CADM2: variants seen among roughly 807,000 people sequenced by gnomAD.
The protein encoded by CADM2 is immunoglobulin superfamily member 4D.
Under a neutral mutation model 49.8 loss-of-function variants are expected in CADM2, and 12 were observed. The ratio of observed to expected loss-of-function variants is 0.24; its 90% CI spans 0.15 to 0.39. CADM2 has a LOEUF of 0.39. Among genes scored for constraint, CADM2 ranks in the 10% least tolerant of loss-of-function variants. The pLI is 1.00. For synonymous variants in CADM2, 214 were observed against 175.4 expected (o/e 1.22, Z -1.74); for missense variants, 378 against 492.3 (o/e 0.77, Z 2.20).
At chr3:85,957,143 A>G (rs1462696327) in intron 7 of CADM2, among the ~76,000 whole-genome samples, 2 of 151,836 alleles carry the variant, frequency 1.3e-5, no homozygotes, top group South Asian at 2.1e-4. Flanking sequence ...TTAACGATGT[A>G]CATAGCACAA....
chr3:85,117,670 G>A (rs888504802), intron 1 of CADM2, among the ~76,000 whole-genome samples: 4 of 152,114 alleles, frequency 2.6e-5, no homozygotes, highest in Admixed American at 6.6e-5. Flanking sequence ...TTTACAGGGT[G>A]TTATAGGGAT....
At chr3:85,536,528 G>T (rs1438492824) in intron 1 of CADM2, among the ~76,000 whole-genome samples, 1 of 151,608 alleles carries the variant, frequency 6.6e-6, no homozygotes, top group East Asian at 1.9e-4. Context: ...GTTAGGAATG[G>T]TTCTTATTTC....
intron 1 of CADM2, among the ~76,000 whole-genome samples, chr3:85,549,398 A>G (rs2061743214): frequency 6.6e-6 from 1 of 152,190 alleles, no homozygotes; most frequent in African/African-American, 2.4e-5. Context: ...TTAATTTTGA[A>G]CCGGTCTCAT....
rs187144376 is a variant in CADM2, at chr3:85,999,768, A to G, written c.970+38121A>G. On this transcript the variant is annotated intron_variant, in intron 8 of 9. Transcript: ENST00000383699. ...AAAAATCAGTTTTAATGAAGTGATT[A>G]GATAAAAGTCAGACTGCAGGACTTT... 7.1e-3 allele frequency among the ~76,000 whole-genome samples: 1,084 copies of G among 152,296 alleles called. 6 individuals are homozygous for G. The highest frequency in any genetic ancestry group is 0.017 in the Middle Eastern group (5 of 294).
chr3:85,733,729 T>C (rs1016201046), intron 2 of CADM2, among the ~76,000 whole-genome samples: 4 of 152,166 alleles, frequency 2.6e-5, no homozygotes, highest in African/African-American at 7.2e-5. Context: ...ATTGCTACTT[T>C]AAGTTTGTAT....
chr3:85,639,242 A>G (rs940743317), intron 1 of CADM2, among the ~76,000 whole-genome samples: 5 of 152,210 alleles, frequency 3.3e-5, no homozygotes, highest in Admixed American at 2.6e-4. Context: ...TTAAAATATC[A>G]TAGAAGATAA....
chr3:85,677,060 A>T (rs2065905770), intron 1 of CADM2, among the ~76,000 whole-genome samples: 1 of 152,150 alleles, frequency 6.6e-6, no homozygotes, highest in Non-Finnish European at 1.5e-5. Context: ...CACTTCTGCT[A>T]ATGTAGCCTA....
At chr3:85,719,999 T>C (rs2107763458) in intron 1 of CADM2, among the ~76,000 whole-genome samples, 1 of 152,236 alleles carries the variant, frequency 6.6e-6, no homozygotes, top group Middle Eastern at 3.4e-3. Context: ...CATGTAAATA[T>C]TAACAATAAT....
At chr3:85,503,619 CA>C (rs1317057430) in intron 1 of CADM2, among the ~76,000 whole-genome samples, 7 of 152,172 alleles carry the variant, frequency 4.6e-5, no homozygotes, top group Non-Finnish European at 1.0e-4. Flanking sequence ...GAACTGTCAA[CA>C]CCGTATTGTA....
chr3:85,809,790 C>CTCTT (rs1553690316), intron 3 of CADM2, among the ~76,000 whole-genome samples: 2,221 of 98,924 alleles, frequency 0.022, 349 homozygotes, highest in South Asian at 0.08. Flanking sequence ...CTCTCTCTCT[C>CTCTT]TCTTTCTTTC....
At chr3:85,823,926 G>A (rs944152983) in intron 3 of CADM2, among the ~76,000 whole-genome samples, 6 of 152,038 alleles carry the variant, frequency 3.9e-5, no homozygotes, top group African/African-American at 1.4e-4. Context: ...AAAAATTACA[G>A]CCCATCCGCG....
intron 1 of CADM2, among the ~76,000 whole-genome samples, chr3:85,473,183 T>C (rs2038839200): frequency 6.6e-6 from 1 of 152,076 alleles, no homozygotes; most frequent in African/African-American, 2.4e-5. Flanking sequence ...AATTCTACCA[T>C]TTAAAATGGA....
intron 1 of CADM2, among the ~76,000 whole-genome samples, chr3:85,281,785 T>A (rs2043505689): frequency 6.6e-6 from 1 of 152,110 alleles, no homozygotes; most frequent in African/African-American, 2.4e-5. Flanking sequence ...CTAACATGTC[T>A]AAAAGCTTTC....
intron 1 of CADM2, among the ~76,000 whole-genome samples, chr3:85,056,830 A>G (rs1576128030): frequency 6.6e-6 from 1 of 152,230 alleles, no homozygotes; most frequent in Non-Finnish European, 1.5e-5. Flanking sequence ...GATAGACTTC[A>G]TATAGACGCT....
chr3:85,913,665 A>T (rs896706791), intron 6 of CADM2, among the ~76,000 whole-genome samples: 1 of 152,186 alleles, frequency 6.6e-6, no homozygotes, highest in Admixed American at 6.5e-5. Flanking sequence ...CACCTCCGCT[A>T]TCACCAACAA....
At chr3:85,195,839 A>G (rs2041331287) in intron 1 of CADM2, among the ~76,000 whole-genome samples, 3 of 152,116 alleles carry the variant, frequency 2.0e-5, no homozygotes, top group Non-Finnish European at 4.4e-5. Flanking sequence ...TTATTAATTG[A>G]TAAAATGCAA....
At chr3:85,986,519 A>G (rs1577869680) in intron 8 of CADM2, among the ~76,000 whole-genome samples, 1 of 152,238 alleles carries the variant, frequency 6.6e-6, no homozygotes, top group Non-Finnish European at 1.5e-5. Context: ...GCTTTTAAAA[A>G]TTAAGTGTCA....
At chr3:85,626,890 C>G (rs185656236) in intron 1 of CADM2, among the ~76,000 whole-genome samples, 2 of 152,074 alleles carry the variant, frequency 1.3e-5, no homozygotes, top group African/African-American at 4.8e-5. Flanking sequence ...AGAACTGAAA[C>G]CCATTACTGT....
chr3:85,839,544 G>C (rs2074550619), intron 3 of CADM2, among the ~76,000 whole-genome samples: 1 of 151,740 alleles, frequency 6.6e-6, no homozygotes, highest in Admixed American at 6.6e-5. Flanking sequence ...GCCTACGATA[G>C]AGAGCTCAAT....
Sources: allele counts gnomAD v4.1 joint callset (sites outside exome capture counted in the v4.1 genomes callset), GRCh38; gene constraint gnomAD v4.1.1; transcripts MANE v1.5; gene names NCBI Gene and HGNC (gene_info 2026-07-23, HGNC 2026-07-21).